CHL1: variants seen among roughly 807,000 people sequenced by gnomAD.
CHL1 encodes the protein cell adhesion molecule L1 like.
Under a neutral mutation model 141.9 loss-of-function variants are expected in CHL1, and 96 were observed. The ratio of observed to expected loss-of-function variants is 0.68; its 90% CI spans 0.57 to 0.80. CHL1 has a LOEUF of 0.80. Ranked by LOEUF, CHL1 falls within the 30% of genes least tolerant of loss-of-function variation. CHL1 has a pLI of 0.00. For missense variants in CHL1, 1,820 were observed against 1,457.2 expected, an observed-to-expected ratio of 1.25 and a Z score of -4.05; for synonymous variants, 613 against 502.2, an observed-to-expected ratio of 1.22 and a Z score of -2.95.
intron 3 of CHL1, among the ~76,000 whole-genome samples, chr3:324,437 A>T (rs1201216641): frequency 6.6e-6 from 1 of 152,070 alleles, no homozygotes; most frequent in Non-Finnish European, 1.5e-5. Context: ...CTTTTGAAAA[A>T]TATTGAGTGC....
chr3:200,221 C>G (rs1376729131), intron 1 of CHL1, among the ~76,000 whole-genome samples: 1 of 152,136 alleles, frequency 6.6e-6, no homozygotes, highest in Non-Finnish European at 1.5e-5. Flanking sequence ...ATAAAATTAG[C>G]TTTTCACCAT....
intron 2 of CHL1, among the ~76,000 whole-genome samples, chr3:293,359 C>G (rs945249312): frequency 6.6e-6 from 1 of 151,916 alleles, no homozygotes; most frequent in East Asian, 1.9e-4. Context: ...AAAAATTAGC[C>G]GGGCATGATG....
At chr3:287,397 G>C (rs773757360) in intron 2 of CHL1, among the ~76,000 whole-genome samples, 9 of 152,092 alleles carry the variant, frequency 5.9e-5, no homozygotes, top group Non-Finnish European at 1.3e-4. Context: ...CCACCTGATA[G>C]GTTTACACAT....
chr3:354,876 C>G, intron 11 of CHL1, 105 bp downstream of exon 11: 1 of 1,385,420 alleles, frequency 7.2e-7, no homozygotes, highest in Non-Finnish European at 9.9e-7. Flanking sequence ...GTTGGATTAG[C>G]AGGACAGATA....
At chr3:242,364 A>G (rs554173748) in intron 1 of CHL1, among the ~76,000 whole-genome samples, 86 of 146,100 alleles carry the variant, frequency 5.9e-4, no homozygotes, top group Non-Finnish European at 9.9e-4. Flanking sequence ...TGGGAGGCTG[A>G]GGGGGGCAGA....
intron 2 of CHL1, among the ~76,000 whole-genome samples, chr3:253,465 G>C (rs375811923): frequency 6.5e-4 from 99 of 152,262 alleles, no homozygotes; most frequent in African/African-American, 2.3e-3. Context: ...GGATCCAGGG[G>C]TCCCTGTAGC....
rs1575028173 is a variant in CHL1, at chr3:309,603, G to C, written c.-94-10080G>C. ...TAGCTCACTCTAGCCCGAAACTCTG[G>C]GGCTCAAGCAATCCTCCAACCTTGG... is the stretch of plus-strand genomic sequence containing the variant. On this transcript the variant is annotated intron_variant, in intron 2 of 27. Transcript: ENST00000256509. Among the ~76,000 whole-genome samples the C allele has an allele frequency of 2.0e-5, 3 of 151,664 alleles. No homozygotes were observed. The East Asian group carries it at 5.9e-4, about 30-fold the overall frequency.
chr3:242,183 G>T (rs1189040647), intron 1 of CHL1, among the ~76,000 whole-genome samples: 1 of 151,918 alleles, frequency 6.6e-6, no homozygotes, highest in Non-Finnish European at 1.5e-5. Flanking sequence ...GTGTGTGTAT[G>T]TATATATATA....
intron 2 of CHL1, among the ~76,000 whole-genome samples, chr3:269,045 C>G (rs1352572007): frequency 2.0e-5 from 3 of 152,102 alleles, no homozygotes; most frequent in South Asian, 2.1e-4. Context: ...CCTGGTATAC[C>G]ATTTACTAAA....
chr3:382,987 G>A (rs1017276598), intron 18 of CHL1, among the ~76,000 whole-genome samples: 2 of 152,076 alleles, frequency 1.3e-5, no homozygotes, highest in African/African-American at 4.8e-5. Flanking sequence ...CAATATGTAT[G>A]CATCTAACAT....
At chr3:402,657 G>T (rs1189212323) in intron 27 of CHL1, among the ~76,000 whole-genome samples, 6 of 152,060 alleles carry the variant, frequency 3.9e-5, no homozygotes, top group Admixed American at 3.9e-4. Flanking sequence ...TAGCTAATTG[G>T]TAGACATTTG....
chr3:271,351 A>ACT lies in CHL1; in HGVS notation c.-95+26660_-95+26661dup, dbSNP rs566346417. On this transcript the variant is annotated intron_variant, in intron 2 of 27. Coordinates refer to ENST00000256509, the MANE Select transcript of CHL1 (RefSeq NM_006614.4). ...GTACTCAGGAGGCTGAGGCAGGAGG[A>ACT]CTGCTTGAGCCCAGCAGTTGGAGAC... 9.8e-5 allele frequency among the ~76,000 whole-genome samples: 15 copies of ACT among 152,302 alleles called. No homozygotes were observed. The East Asian group carries it at 2.9e-3, about 29-fold the overall frequency.
At chr3:321,290 A>T (rs1025722684) in intron 3 of CHL1, among the ~76,000 whole-genome samples, 1 of 152,062 alleles carries the variant, frequency 6.6e-6, no homozygotes, top group African/African-American at 2.4e-5. Flanking sequence ...AAGAAATTCC[A>T]CTTATCTGAC....
At chr3:266,606 C>A (rs758215875) in intron 2 of CHL1, among the ~76,000 whole-genome samples, 1 of 142,014 alleles carries the variant, frequency 7.0e-6, no homozygotes, top group Non-Finnish European at 1.6e-5. Flanking sequence ...GCTTACTTTG[C>A]AATATGTCTG....
intron 2 of CHL1, among the ~76,000 whole-genome samples, chr3:307,610 C>T (rs1465613555): frequency 6.6e-6 from 1 of 152,076 alleles, no homozygotes; most frequent in Non-Finnish European, 1.5e-5. Flanking sequence ...CTCAAGGATG[C>T]TTGTGTCTGA....
intron 2 of CHL1, among the ~76,000 whole-genome samples, chr3:267,668 G>A (rs546241405): frequency 6.6e-6 from 1 of 152,270 alleles, no homozygotes; most frequent in East Asian, 1.9e-4. Flanking sequence ...TAAACCGTGT[G>A]TGTATTTCAA....
chr3:218,386 G>C (rs1009407081), intron 1 of CHL1, among the ~76,000 whole-genome samples: 4 of 152,140 alleles, frequency 2.6e-5, no homozygotes, highest in Admixed American at 2.6e-4. Context: ...CATGATAATG[G>C]TATCAAATGG....
chr3:238,691 G>T (rs187929240), intron 1 of CHL1, among the ~76,000 whole-genome samples: 23 of 152,000 alleles, frequency 1.5e-4, no homozygotes, highest in Admixed American at 1.4e-3. Flanking sequence ...TTGGGAGGCC[G>T]AGGTGGGTGG....
At chr3:213,459 T>C (rs1332781772) in intron 1 of CHL1, 3 of 152,156 alleles carry the variant, frequency 2.0e-5, no homozygotes, top group Non-Finnish European at 4.4e-5. Flanking sequence ...CAAGATGAAA[T>C]AGATAGACTT....
Sources: gnomAD v4.1 joint callset for allele counts (sites outside exome capture counted in the v4.1 genomes callset) on GRCh38, gnomAD v4.1.1 for gene constraint, MANE v1.5 for transcripts, NCBI Gene and HGNC (gene_info 2026-07-23, HGNC 2026-07-21) for gene names.